Variants in ZDHHC14 observed in about 807,000 individuals in gnomAD.
ZDHHC14 encodes the protein zDHHC palmitoyltransferase 14.
A neutral mutation model predicts 47.7 loss-of-function variants in ZDHHC14; 16 were observed. That is an observed-to-expected ratio of 0.34 (90% CI 0.23 to 0.51). ZDHHC14 has a LOEUF of 0.51. Ranked by LOEUF, ZDHHC14 falls within the 20% of genes least tolerant of loss-of-function variation. ZDHHC14 has a pLI of 0.97. For synonymous variants in ZDHHC14, 293 were observed against 278.9 expected, an observed-to-expected ratio of 1.05 and a Z score of -0.50; for missense variants, 515 against 662.5, an observed-to-expected ratio of 0.78 and a Z score of 2.44.
At chr6:157,434,587 G>T (rs1261653462) in intron 1 of ZDHHC14, among the ~76,000 whole-genome samples, 1 of 141,706 alleles carries the variant, frequency 7.1e-6, no homozygotes, top group African/African-American at 2.7e-5. Context: ...GAATCATTTA[G>T]GCCACAGTAA....
At position 157,672,820 on chromosome 6, in the gene ZDHHC14, C is replaced by T. The variant is rs1163523011; in HGVS notation, c.1165C>T (p.Leu389=). 1.9e-6 allele frequency: 3 copies of T among 1,612,362 alleles called. No individual in the cohort carries two copies. Among genetic ancestry groups the T allele is most frequent in the Non-Finnish European group, 2.5e-6 (3 of 1,179,668 alleles). Residue 389 remains leucine (L), a synonymous_variant, in exon 9 of 9, where the codon CTG becomes TTG. Transcript: ENST00000359775. ...QSEPSLTSDE[L]HLPGKPGLGT... The stretch of plus-strand genomic sequence containing the variant: ...CGAGCCCAGCCTCACCAGCGACGAG[C>T]TGCACCTGCCCGGGAAGCCTGGCCT...
At chr6:157,417,405 G>C (rs1396237437) in intron 1 of ZDHHC14, among the ~76,000 whole-genome samples, 1 of 44,838 alleles carries the variant, frequency 2.2e-5, no homozygotes, top group African/African-American at 6.3e-5. Context: ...ACGTATCGTG[G>C]ACATTTTTTT....
At chr6:157,421,352 T>A (rs1778098344) in intron 1 of ZDHHC14, among the ~76,000 whole-genome samples, 1 of 150,956 alleles carries the variant, frequency 6.6e-6, no homozygotes, top group East Asian at 2.0e-4. Context: ...ATTTGCTGGG[T>A]GTGGTGGCGG....
chr6:157,603,886 C>T (rs1784431163), intron 3 of ZDHHC14, among the ~76,000 whole-genome samples: 1 of 152,180 alleles, frequency 6.6e-6, no homozygotes, highest in Non-Finnish European at 1.5e-5. Flanking sequence ...GGAAGGCACA[C>T]AACATGTCAG....
chr6:157,585,413 C>CAAAAAAA (rs111505965), intron 2 of ZDHHC14, among the ~76,000 whole-genome samples: 1 of 98,836 alleles, frequency 1.0e-5, no homozygotes, highest in Non-Finnish European at 2.3e-5. Flanking sequence ...ACCAAAAATA[C>CAAAAAAA]AAAAAAAAAA....
chr6:157,611,704 A>G lies in ZDHHC14; in HGVS notation c.566-16645A>G, dbSNP rs570318677. Among the ~76,000 whole-genome samples, 6 of 152,330 alleles carry G rather than the reference A, an allele frequency of 3.9e-5. No homozygotes were observed. The East Asian group carries it at 1.2e-3, about 29-fold the overall frequency. On this transcript the variant is annotated intron_variant, in intron 3 of 8. Transcript: ENST00000359775. ...TTCTGCCTGGAATTGTCAAACTGCA[A>G]CTTAGCTTGAAAAATATATTTCTTC... is the stretch of plus-strand genomic sequence containing the variant.
intron 2 of ZDHHC14, among the ~76,000 whole-genome samples, chr6:157,572,793 C>T (rs1235721174): frequency 6.6e-6 from 1 of 151,912 alleles, no homozygotes; most frequent in Non-Finnish European, 1.5e-5. Flanking sequence ...GCATAAAGAA[C>T]CTAGCACTGC....
intron 2 of ZDHHC14, among the ~76,000 whole-genome samples, chr6:157,575,827 C>T (rs1331968406): frequency 6.6e-6 from 1 of 152,220 alleles, no homozygotes; most frequent in African/African-American, 2.4e-5. Flanking sequence ...AGCACCAGCT[C>T]CCTTTTGCCC....
intron 2 of ZDHHC14, among the ~76,000 whole-genome samples, chr6:157,548,352 C>G (rs1582920779): frequency 6.6e-6 from 1 of 152,182 alleles, no homozygotes; most frequent in Non-Finnish European, 1.5e-5. Flanking sequence ...TGGATTGCAC[C>G]TGCCGGTGTG....
At chr6:157,398,253 C>A (rs1777563429) in intron 1 of ZDHHC14, among the ~76,000 whole-genome samples, 2 of 152,186 alleles carry the variant, frequency 1.3e-5, no homozygotes, top group East Asian at 3.8e-4. Flanking sequence ...GCCCAGCAGG[C>A]TGGATGGGCC....
At chr6:157,642,033 G>GATAGATAGATAT (rs1777276432) in intron 5 of ZDHHC14, among the ~76,000 whole-genome samples, 2 of 146,592 alleles carry the variant, frequency 1.4e-5, no homozygotes, top group African/African-American at 5.2e-5. Flanking sequence ...AAGATAGATA[G>GATAGATAGATAT]ATAGATAGAT....
intron 7 of ZDHHC14, among the ~76,000 whole-genome samples, chr6:157,652,700 G>T (rs1200914000): frequency 1.3e-5 from 2 of 152,198 alleles, no homozygotes; most frequent in Non-Finnish European, 2.9e-5. Context: ...CGCAGCACCC[G>T]CTGGGTGTCA....
chr6:157,558,583 A>C (rs1337075712), intron 2 of ZDHHC14, among the ~76,000 whole-genome samples: 1 of 152,228 alleles, frequency 6.6e-6, no homozygotes, highest in Admixed American at 6.5e-5. Context: ...TCAGTAAAGA[A>C]AGATTGGATT....
At chr6:157,553,116 C>T (rs779128508) in intron 2 of ZDHHC14, among the ~76,000 whole-genome samples, 2 of 152,258 alleles carry the variant, frequency 1.3e-5, no homozygotes, top group Non-Finnish European at 2.9e-5. Flanking sequence ...GGATGGAAGA[C>T]TACTAAAAGG....
intron 1 of ZDHHC14, among the ~76,000 whole-genome samples, chr6:157,396,936 G>T (rs890443268): frequency 3.9e-5 from 6 of 152,174 alleles, no homozygotes; most frequent in African/African-American, 1.4e-4. Flanking sequence ...TTTTAATTTA[G>T]AAGTTGAAGT....
intron 1 of ZDHHC14, among the ~76,000 whole-genome samples, chr6:157,415,469 G>T (rs755939667): frequency 3.3e-5 from 5 of 152,252 alleles, no homozygotes; most frequent in Admixed American, 6.5e-5. Context: ...GGCTTTTATA[G>T]AACAGGTGGG....
At chr6:157,484,336 TACATTATACGTATATATACAC>T (rs1779716791) in intron 1 of ZDHHC14, among the ~76,000 whole-genome samples, 16 of 142,334 alleles carry the variant, frequency 1.1e-4, no homozygotes, top group African/African-American at 4.1e-4. Context: ...TACGTATATA[TACATTATACGTATATATACAC>T]ACATATATAC....
At chr6:157,506,878 A>C (rs1219881943) in intron 1 of ZDHHC14, among the ~76,000 whole-genome samples, 1 of 151,830 alleles carries the variant, frequency 6.6e-6, no homozygotes, top group Non-Finnish European at 1.5e-5. Flanking sequence ...GTGGCCATTG[A>C]TAAGTGGCAC....
Position 157,635,764 on chromosome 6 carries a change from C to T in ZDHHC14, c.752+2882C>T, listed in dbSNP as rs560907263. On this transcript the variant is annotated intron_variant, in intron 5 of 8. Coordinates refer to ENST00000359775, the MANE Select transcript of ZDHHC14 (RefSeq NM_024630.3). ...AGCAAGCGTGGCAGTAGCGTGCTGG[C>T]CGTGCCCGGAGCCTGCAGCGGGAAG... Among the ~76,000 whole-genome samples the T allele has an allele frequency of 9.2e-5, 14 of 152,282 alleles. No individual in the cohort carries two copies. In the East Asian group the frequency reaches 2.5e-3, roughly 27 times the overall value.
Sources: gnomAD v4.1 joint callset for allele counts (sites outside exome capture counted in the v4.1 genomes callset) on GRCh38, gnomAD v4.1.1 for gene constraint, MANE v1.5 for transcripts, NCBI Gene and HGNC (gene_info 2026-07-23, HGNC 2026-07-21) for gene names.